The following CSMD3 variants were observed in gnomAD, a reference collection of about 807,000 sequenced individuals.
The protein encoded by CSMD3 is CUB and Sushi multiple domains 3, also known as CUB and sushi domain-containing protein 3.
In CSMD3, 177 loss-of-function variants were observed where a neutral mutation model predicts 435.2. That is an observed-to-expected ratio of 0.41 (90% CI 0.36 to 0.46). The LOEUF (loss-of-function observed/expected upper bound fraction) is 0.46. CSMD3 is among the 20% of genes least tolerant of loss of function. The pLI is 0.34. For synonymous variants in CSMD3, 1,656 were observed against 1,520.5 expected (o/e 1.09, Z -2.07); for missense variants, 4,265 against 4,504.6 (o/e 0.95, Z 1.52).
At chr8:112,773,643 A>T (rs951904853) in intron 13 of CSMD3, among the ~76,000 whole-genome samples, 2 of 152,050 alleles carry the variant, frequency 1.3e-5, no homozygotes, top group African/African-American at 2.4e-5. Flanking sequence ...TTTGAACCTG[A>T]AGAACTAAAG....
chr8:113,172,244 T>C (rs2092280573), intron 4 of CSMD3, among the ~76,000 whole-genome samples: 1 of 152,220 alleles, frequency 6.6e-6, no homozygotes, highest in South Asian at 2.1e-4. Context: ...TCTTGATGTT[T>C]ACCAGCTGAG....
intron 11 of CSMD3, among the ~76,000 whole-genome samples, chr8:112,847,081 A>T (rs558685480): frequency 4.7e-4 from 71 of 152,144 alleles, no homozygotes; most frequent in Non-Finnish European, 8.1e-4. Context: ...ATGCTTTGTT[A>T]AGACTGCCAA....
At chr8:112,749,453 T>C (rs1375831385) in intron 13 of CSMD3, among the ~76,000 whole-genome samples, 1 of 152,030 alleles carries the variant, frequency 6.6e-6, no homozygotes, top group Non-Finnish European at 1.5e-5. Context: ...TTCTATTTAA[T>C]AAATGGTGCT....
At chr8:112,515,311 T>C (rs568511399) in intron 28 of CSMD3, among the ~76,000 whole-genome samples, 2 of 152,208 alleles carry the variant, frequency 1.3e-5, no homozygotes, top group African/African-American at 2.4e-5. Flanking sequence ...TACAGTAAGA[T>C]TTTGGTGTTT....
chr8:112,404,007 A>C (rs1831552991), intron 35 of CSMD3, among the ~76,000 whole-genome samples: 1 of 152,142 alleles, frequency 6.6e-6, no homozygotes, highest in African/African-American at 2.4e-5. Context: ...GAAAAAATAA[A>C]ATATTTGTTT....
chr8:113,168,547 A>AC (rs2092611318), intron 4 of CSMD3, among the ~76,000 whole-genome samples: 2 of 145,576 alleles, frequency 1.4e-5, no homozygotes, highest in African/African-American at 2.5e-5. Flanking sequence ...AAAAAAAAAA[A>AC]CTACAGATTT....
At chr8:113,050,244 G>T (rs72683873) in intron 5 of CSMD3, among the ~76,000 whole-genome samples, 10,154 of 151,742 alleles carry the variant, frequency 0.067, 459 homozygotes, top group Non-Finnish European at 0.095. Flanking sequence ...ATATGTGTGG[G>T]TGTATATACA....
intron 17 of CSMD3, among the ~76,000 whole-genome samples, chr8:112,656,889 A>T (rs143591647): frequency 7.2e-5 from 11 of 152,260 alleles, no homozygotes; most frequent in African/African-American, 2.2e-4. Context: ...CTAAGTAGGT[A>T]GTAACTAATG....
intron 1 of CSMD3, among the ~76,000 whole-genome samples, chr8:113,326,805 C>G (rs1289382720): frequency 6.6e-6 from 1 of 152,030 alleles, no homozygotes; most frequent in Non-Finnish European, 1.5e-5. Flanking sequence ...AAGTTTATAA[C>G]CCATTCCAAA....
chr8:112,352,907 A>G (rs1223906966), intron 38 of CSMD3, among the ~76,000 whole-genome samples: 1 of 152,046 alleles, frequency 6.6e-6, no homozygotes, highest in African/African-American at 2.4e-5. Context: ...AATAAATAAT[A>G]CTTTAAAAAC....
chr8:112,368,017 G>C (rs907940250), intron 38 of CSMD3, among the ~76,000 whole-genome samples: 2 of 151,980 alleles, frequency 1.3e-5, no homozygotes, highest in African/African-American at 4.8e-5. Context: ...TGGTTTTTAG[G>C]GAACCTCAAA....
chr8:113,156,501 A>G (rs1011614008), intron 4 of CSMD3, among the ~76,000 whole-genome samples: 19 of 152,088 alleles, frequency 1.2e-4, no homozygotes, highest in Admixed American at 6.6e-4. Flanking sequence ...ATACTAAAAA[A>G]AAATTAATAT....
At chr8:112,568,679 GGAA>G (rs1191380759) in intron 24 of CSMD3, among the ~76,000 whole-genome samples, 1 of 152,072 alleles carries the variant, frequency 6.6e-6, no homozygotes, top group African/African-American at 2.4e-5. Flanking sequence ...ATTTGTTGGT[GGAA>G]GAAGGTGAGA....
chr8:113,334,310 G>T (rs1321526555), intron 1 of CSMD3, among the ~76,000 whole-genome samples: 2 of 107,304 alleles, frequency 1.9e-5, no homozygotes, highest in Admixed American at 1.2e-4. Flanking sequence ...TCCAGCCTGT[G>T]TACCTGTTAC....
intron 61 of CSMD3, among the ~76,000 whole-genome samples, 199 bp downstream of exon 61, chr8:112,263,435 ATAAAC>A (rs1421739051): frequency 1.3e-5 from 2 of 152,190 alleles, no homozygotes; most frequent in East Asian, 3.8e-4. Flanking sequence ...AGAAAAGTTT[ATAAAC>A]TAAAACCGTT....
At chr8:113,012,960 C>T (rs1426881017) in intron 6 of CSMD3, among the ~76,000 whole-genome samples, 2 of 151,896 alleles carry the variant, frequency 1.3e-5, no homozygotes, top group African/African-American at 4.8e-5. Context: ...ATATGATTCC[C>T]TGTATTTTAT....
chr8:112,541,526 A>G (rs1255709627), intron 27 of CSMD3, among the ~76,000 whole-genome samples: 2 of 151,882 alleles, frequency 1.3e-5, no homozygotes, highest in Non-Finnish European at 2.9e-5. Context: ...ATTTATAGAA[A>G]TATACAGTCT....
intron 24 of CSMD3, among the ~76,000 whole-genome samples, chr8:112,564,294 C>T (rs1586692945): frequency 6.6e-6 from 1 of 150,930 alleles, no homozygotes; most frequent in Non-Finnish European, 1.5e-5. Flanking sequence ...TTCCTTCTTC[C>T]TTTCCTTCTT....
chr8:112,394,768 T>C (rs1156577707), intron 35 of CSMD3, among the ~76,000 whole-genome samples: 1 of 152,206 alleles, frequency 6.6e-6, no homozygotes, highest in African/African-American at 2.4e-5. Flanking sequence ...AAAGAATATA[T>C]TTCTTGATGA....
Sources: allele counts gnomAD v4.1 joint callset (sites outside exome capture counted in the v4.1 genomes callset), GRCh38; gene constraint gnomAD v4.1.1; transcripts MANE v1.5; gene names NCBI Gene and HGNC (gene_info 2026-07-23, HGNC 2026-07-21).